KDM3B: variants seen among roughly 807,000 people sequenced by gnomAD.
The protein encoded by KDM3B is lysine demethylase 3B.
Under a neutral mutation model 170.0 loss-of-function variants are expected in KDM3B, and 10 were observed. The observed-to-expected ratio is 0.06, with a 90% CI of 0.04 to 0.10. The LOEUF (loss-of-function observed/expected upper bound fraction) is 0.10. KDM3B is among the 10% of genes least tolerant of loss of function. KDM3B has a pLI of 1.00. For synonymous variants in KDM3B, 831 were observed against 834.8 expected, an observed-to-expected ratio of 1.00 and a Z score of 0.08; for missense variants, 1,394 against 2,195.2, an observed-to-expected ratio of 0.64 and a Z score of 7.29.
At chr5:138,395,501 G>A (rs978958505) in intron 9 of KDM3B, among the ~76,000 whole-genome samples, 4 of 152,190 alleles carry the variant, frequency 2.6e-5, no homozygotes, top group South Asian at 2.1e-4. Context: ...GGTAGCTCAC[G>A]CTTGTAATCC....
intron 10 of KDM3B, among the ~76,000 whole-genome samples, chr5:138,399,278 G>T (rs1173584989): frequency 2.0e-5 from 3 of 151,834 alleles, no homozygotes; most frequent in African/African-American, 7.3e-5. Context: ...AGTGGCTCAT[G>T]CCTGTAATCC....
intron 20 of KDM3B, among the ~76,000 whole-genome samples, chr5:138,428,978 C>T: frequency 7.7e-6 from 1 of 129,060 alleles, no homozygotes. Flanking sequence ...GATAGAGTCT[C>T]ACTATGTTGC....
chr5:138,393,133 C>T (rs112399373), intron 8 of KDM3B, 38 bp from the exon 9 acceptor site: 9 of 1,592,552 alleles, frequency 5.7e-6, no homozygotes, highest in Middle Eastern at 4.2e-4. Context: ...CCTGTTTACA[C>T]CTCATGACAA....
chr5:138,382,291 A>C (rs1274814771), intron 6 of KDM3B, among the ~76,000 whole-genome samples: 1 of 151,916 alleles, frequency 6.6e-6, no homozygotes, highest in African/African-American at 2.4e-5. Flanking sequence ...CTACAAAAAT[A>C]CAAAAAAAAA....
chr5:138,400,966 C>G (rs1762671374), intron 11 of KDM3B, among the ~76,000 whole-genome samples: 1 of 150,744 alleles, frequency 6.6e-6, no homozygotes, highest in Non-Finnish European at 1.5e-5. Flanking sequence ...TTTGCCTATT[C>G]TGGACATGTC....
chr5:138,420,971 C>T lies in KDM3B; in HGVS notation c.3972+9C>T, dbSNP rs200395853. The T allele has an allele frequency of 6.2e-7, 1 of 1,613,630 alleles. No homozygotes were observed. The highest frequency in any genetic ancestry group is 8.5e-7 in the Non-Finnish European group (1 of 1,179,672). On this transcript the variant is annotated intron_variant, in intron 15 of 23. Transcript: ENST00000314358. ...TCTCTACATCCTCAGCAGTAAGTGT[C>T]CTCTGCAACTGTAGCCTTTTCAGCT...
In KDM3B at chr5:138,352,772, G is replaced by C. The variant is rs577150210; in HGVS notation, c.-24G>C. 2.3e-5 allele frequency: 28 copies of C among 1,214,414 alleles called. No individual in the cohort carries two copies. The African/African-American group carries it at 4.5e-4, about 19-fold the overall frequency. The allele number at this position is 1,214,414 out of a possible 1,614,324, so 75.2% of individuals were successfully genotyped here. ...AGGTGGTGGGAGGCGGCGGGCGGGA[G>C]CGCGGGTCAGGCCGGCCCCGGCGAT... On this transcript the variant is annotated 5_prime_UTR_variant, in exon 1 of 24. Coordinates refer to ENST00000314358, the MANE Select transcript of KDM3B (RefSeq NM_016604.4).
intron 6 of KDM3B, among the ~76,000 whole-genome samples, chr5:138,383,416 C>T (rs978219602): frequency 6.6e-5 from 9 of 135,718 alleles, no homozygotes; most frequent in Non-Finnish European, 9.3e-5. Flanking sequence ...GGTTTACAGG[C>T]GCGAACGAAC....
At chr5:138,385,659 G>C (rs1762242598) in intron 6 of KDM3B, among the ~76,000 whole-genome samples, 1 of 152,320 alleles carries the variant, frequency 6.6e-6, no homozygotes, top group East Asian at 1.9e-4. Context: ...ATGTAATAAA[G>C]TGAGTTATTT....
In KDM3B at chr5:138,386,259, A is replaced by C; in HGVS notation, c.1018A>C (p.Lys340Gln). The change falls in exon 7 of 24, where the codon AAG becomes CAG. Residue 340 changes from lysine to glutamine, a missense_variant. By Grantham distance (53) the Lys-to-Gln change is moderately conservative. This residue lies in a region of KDM3B where 205 missense variants were observed against 227.6 expected (regional missense o/e 0.90). Transcript: ENST00000314358. The part of the protein sequence containing the change: ...SGEPGLDQRA[K>Q]QPPSTFVPQI... ...AGAGCCAGGGCTGGATCAGAGAGCC[A>C]AGCAGCCACCGTCTACATTTGTCCC... The C allele has an allele frequency of 6.2e-7, 1 of 1,614,224 alleles. No homozygotes were observed. Among genetic ancestry groups the C allele is most frequent in the Non-Finnish European group, 8.5e-7 (1 of 1,180,050 alleles).
At chr5:138,376,430 C>T (rs1196627607) in intron 3 of KDM3B, among the ~76,000 whole-genome samples, 4 of 151,806 alleles carry the variant, frequency 2.6e-5, no homozygotes, top group South Asian at 2.1e-4. Flanking sequence ...TTCGGCCAGG[C>T]GCGGTGGCTC....
chr5:138,373,789 G>T (rs1761931653), intron 2 of KDM3B, among the ~76,000 whole-genome samples: 1 of 151,968 alleles, frequency 6.6e-6, no homozygotes, highest in Non-Finnish European at 1.5e-5. Flanking sequence ...CTGGCTGTGT[G>T]TTATAAAATT....
At chr5:138,420,568 C>T in intron 14 of KDM3B, 138 bp from the exon 15 acceptor site, 1 of 921,872 alleles carries the variant, frequency 1.1e-6, no homozygotes, top group Non-Finnish European at 1.7e-6. Context: ...TTGACCCAAA[C>T]AAACCATACA....
intron 22 of KDM3B, among the ~76,000 whole-genome samples, chr5:138,430,890 C>CA (rs894965791): frequency 4.1e-4 from 58 of 141,550 alleles, no homozygotes; most frequent in South Asian, 6.8e-4. Context: ...AACTCAGTCT[C>CA]AAAAAAAAAA....
At position 138,400,125 on chromosome 5, in the gene KDM3B, G is replaced by T. The variant is rs997038260; in HGVS notation, c.3199+113G>T. ...GGCTTATGCCTCTCTTTAGCTGCTT[G>T]GCTTCATTCAACTTTGTTGTATTTT... On this transcript the variant is annotated intron_variant, in intron 11 of 23. Transcript: ENST00000314358. 15 of 1,013,994 alleles carry T rather than the reference G, an allele frequency of 1.5e-5. No individual in the cohort carries two copies. The African/African-American group carries it at 2.1e-4, about 14-fold the overall frequency. 62.8% of individuals were successfully genotyped at this position (1,013,994 alleles called of 1,614,324 possible). A position where few individuals can be genotyped will look rare whatever the true frequency, so the allele number is the denominator to read the frequency against.
chr5:138,387,369 C>T (rs953274062), intron 7 of KDM3B, among the ~76,000 whole-genome samples: 3 of 151,962 alleles, frequency 2.0e-5, no homozygotes, highest in Non-Finnish European at 4.4e-5. Flanking sequence ...TTTCCCCAAA[C>T]AGCTATTAAC....
Position 138,386,469 on chromosome 5 carries a change from C to A in KDM3B, c.1228C>A (p.Leu410Met). 5 of 1,614,160 alleles carry A rather than the reference C, an allele frequency of 3.1e-6. No individual in the cohort carries two copies. Among genetic ancestry groups the A allele is most frequent in the Non-Finnish European group, 4.2e-6 (5 of 1,180,038 alleles). ...GAENKEAGKT[L>M]EQVGQGIVAS... ...CGAAAACAAAGAGGCAGGAAAAACA[C>A]TGGAACAAGTTGGCCAGGGCATAGT... Residue 410 changes from leucine (L) to methionine (M), a missense_variant, in exon 7 of 24, where the codon CTG becomes ATG. This residue lies in a region of KDM3B where 205 missense variants were observed against 227.6 expected (regional missense o/e 0.90). Transcript: ENST00000314358.
chr5:138,375,817 C>T (rs112929238), intron 3 of KDM3B, among the ~76,000 whole-genome samples: 4,145 of 151,926 alleles, frequency 0.027, 83 homozygotes, highest in Middle Eastern at 0.038. Context: ...GCTGGGATTA[C>T]AGGCATGTGC....
intron 1 of KDM3B, among the ~76,000 whole-genome samples, chr5:138,370,848 G>T (rs957324232): frequency 1.3e-5 from 2 of 150,518 alleles, no homozygotes; most frequent in Non-Finnish European, 3.0e-5. Flanking sequence ...TGCTCTTGTT[G>T]CCCAGGCTGG....
Sources: gnomAD v4.1 joint callset for allele counts (sites outside exome capture counted in the v4.1 genomes callset) on GRCh38, gnomAD v4.1.1 for gene constraint, gnomAD v4.1.1 regional missense constraint, MANE v1.5 for transcripts, NCBI Gene and HGNC (gene_info 2026-07-23, HGNC 2026-07-21) for gene names.